Variants in DOCK1 observed in about 807,000 individuals in gnomAD.
The protein encoded by DOCK1 is dedicator of cytokinesis 1.
Under a neutral mutation model 262.7 loss-of-function variants are expected in DOCK1, and 138 were observed. That is an observed-to-expected ratio of 0.53 (90% CI 0.46 to 0.61). The LOEUF (loss-of-function observed/expected upper bound fraction) is 0.61, where lower values mean the gene tolerates loss of function less well. DOCK1 is among the 20% of genes least tolerant of loss of function. DOCK1 has a pLI of 0.00. For synonymous variants in DOCK1, 866 were observed against 867.4 expected, an observed-to-expected ratio of 1.00 and a Z score of 0.03; for missense variants, 1,908 against 2,370.7, an observed-to-expected ratio of 0.80 and a Z score of 4.05.
chr10:127,405,852 G>A (rs972028365), intron 40 of DOCK1, among the ~76,000 whole-genome samples: 1 of 152,178 alleles, frequency 6.6e-6, no homozygotes, highest in African/African-American at 2.4e-5. Flanking sequence ...CCTTCATCGT[G>A]CAGCAAAGAC....
chr10:127,237,828 A>G (rs1048962381), intron 27 of DOCK1, among the ~76,000 whole-genome samples: 9 of 152,174 alleles, frequency 5.9e-5, no homozygotes, highest in African/African-American at 2.2e-4. Context: ...GTCTTAATTA[A>G]TTGTTGTCAT....
chr10:127,279,841 A>G (rs566979390), intron 29 of DOCK1, among the ~76,000 whole-genome samples: 15 of 150,410 alleles, frequency 1.0e-4, no homozygotes, highest in South Asian at 2.1e-4. Context: ...TGCAAAGGCA[A>G]TGTTTGTTTT....
rs529553706 is a variant in DOCK1 at position 127,026,443 on chromosome 10, T to C, written c.1624+19T>C. 6.4e-7 allele frequency: 1 copy of C among 1,566,098 alleles called. No homozygotes were observed. The highest frequency in any genetic ancestry group is 1.4e-5 in the African/African-American group (1 of 73,958). ...CAGGACTGTGAGTAGTCAAGCACTT[T>C]CTTCCCCCAAGTATTTTTAAGGGAG... is the stretch of plus-strand genomic sequence containing the variant. On this transcript the variant is annotated intron_variant, in intron 16 of 51. Coordinates refer to ENST00000623213, the MANE Select transcript of DOCK1 (RefSeq NM_001290223.2).
chr10:127,023,005 C>T (rs2042553897), intron 13 of DOCK1, among the ~76,000 whole-genome samples, 195 bp from the exon 14 acceptor site: 1 of 152,124 alleles, frequency 6.6e-6, no homozygotes, highest in Non-Finnish European at 1.5e-5. Context: ...TTTCCTCTTT[C>T]TAGAAAACTT....
chr10:127,248,045 A>T lies in DOCK1; in HGVS notation c.2885A>T (p.Gln962Leu). Residue 962 changes from glutamine (Q) to leucine (L), a missense_variant, in exon 28 of 52, where the codon CAA (glutamine) becomes CTA (leucine). Around this residue, in one of 9 missense-constraint regions of DOCK1, gnomAD observed 518 missense variants for 575.1 expected, o/e 0.90. Coordinates refer to ENST00000623213, the MANE Select transcript of DOCK1 (RefSeq NM_001290223.2). ...GCTTGCATGACAGCTATTTTACGAC[A>T]AATGGAAGATTACCATTATGCCCAC... ...FVACMTAILR[Q>L]MEDYHYAHLI... is the part of the protein sequence containing the mutation. 6.2e-7 allele frequency: 1 copy of T among 1,614,012 alleles called. No individual in the cohort carries two copies. Among genetic ancestry groups the T allele is most frequent in the Non-Finnish European group, 8.5e-7 (1 of 1,179,900 alleles).
intron 29 of DOCK1, among the ~76,000 whole-genome samples, chr10:127,280,009 CATATATAT>C (rs10525314): frequency 7.0e-5 from 8 of 114,328 alleles, no homozygotes; most frequent in South Asian, 5.4e-4. Context: ...AATTTTATTT[CATATATAT>C]ATATATATAT....
chr10:127,425,235 AC>A (rs2068743861), intron 46 of DOCK1, among the ~76,000 whole-genome samples: 2 of 152,122 alleles, frequency 1.3e-5, no homozygotes, highest in African/African-American at 4.8e-5. Flanking sequence ...TCCTTCTCCC[AC>A]CCCACAACAG....
At chr10:127,152,474 T>C (rs936185913) in intron 27 of DOCK1, among the ~76,000 whole-genome samples, 6 of 152,048 alleles carry the variant, frequency 3.9e-5, no homozygotes, top group Admixed American at 3.3e-4. Context: ...CAGGGGCCCC[T>C]CCTCCCTTCC....
chr10:127,415,143 C>G lies in DOCK1; in HGVS notation c.4429-9C>G. The G allele has an allele frequency of 1.9e-6, 3 of 1,612,508 alleles. No homozygotes were observed. Among genetic ancestry groups the G allele is most frequent in the Non-Finnish European group, 2.5e-6 (3 of 1,179,280 alleles). ...TAACCCGTGTTGTGTGTGTGTGTTT[C>G]CTTTGCAGAATATGTGGATCGAGAG... On this transcript the variant is annotated splice_polypyrimidine_tract_variant and intron_variant, in intron 43 of 51. Transcript: ENST00000623213.
chr10:127,011,131 T>C lies in DOCK1; in HGVS notation c.1059-1101T>C, dbSNP rs991221531. 1.4e-4 allele frequency among the ~76,000 whole-genome samples: 22 copies of C among 152,200 alleles called. No homozygotes were observed. In the South Asian group the frequency reaches 2.1e-3, roughly 14 times the overall value. ...TATGTTATTCCATGTGTAACTCTTATGTAATTTGTGACTCCATGCTCCATT... is the reference window on the plus strand; with the variant it reads ...TATGTTATTCCATGTGTAACTCTTACGTAATTTGTGACTCCATGCTCCATT... On this transcript the variant is annotated intron_variant, in intron 11 of 51. Coordinates refer to ENST00000623213, the MANE Select transcript of DOCK1 (RefSeq NM_001290223.2).
In DOCK1 at chr10:127,362,863, C is replaced by CCA. The variant is rs1188482858; in HGVS notation, c.3432+662_3432+663dup. On this transcript the variant is annotated intron_variant, in intron 33 of 51. Coordinates refer to ENST00000623213, the MANE Select transcript of DOCK1 (RefSeq NM_001290223.2). Reference sequence around the variant, plus strand: ...CACACACACACACACATGTACATCCCCACACACACACATACACATCCCCAC... The same window carrying CCA: ...CACACACACACACACATGTACATCCCCACACACACACACATACACATCCCCAC... Among the ~76,000 whole-genome samples, 7 of 65,020 alleles carry CCA rather than the reference C, an allele frequency of 1.1e-4. No homozygotes were observed. In the East Asian group the frequency reaches 3.2e-3, roughly 30 times the overall value. 42.7% of individuals were successfully genotyped at this position (65,020 alleles called of 152,430 possible).
intron 23 of DOCK1, among the ~76,000 whole-genome samples, chr10:127,101,135 G>A (rs2048218993): frequency 6.6e-6 from 1 of 152,108 alleles, no homozygotes; most frequent in Non-Finnish European, 1.5e-5. Flanking sequence ...GTTGGGAGCT[G>A]GAGTCTTGTG....
intron 33 of DOCK1, among the ~76,000 whole-genome samples, chr10:127,362,860 T>C (rs2133940458): frequency 2.7e-4 from 10 of 36,450 alleles, no homozygotes; most frequent in Non-Finnish European, 3.4e-4. Context: ...CACATGTACA[T>C]CCCCACACAC....
chr10:127,070,703 C>T (rs1289504506), intron 23 of DOCK1, among the ~76,000 whole-genome samples: 2 of 150,232 alleles, frequency 1.3e-5, no homozygotes, highest in Non-Finnish European at 3.0e-5. Context: ...GACATGGGAG[C>T]TGCAGGACTG....
intron 23 of DOCK1, among the ~76,000 whole-genome samples, chr10:127,095,593 T>A (rs1007642737): frequency 6.6e-6 from 1 of 152,110 alleles, no homozygotes; most frequent in Non-Finnish European, 1.5e-5. Context: ...CTTGCTGGGC[T>A]GACCCAAAGG....
chr10:126,956,640 G>A (rs2036764999), intron 1 of DOCK1, among the ~76,000 whole-genome samples: 1 of 152,224 alleles, frequency 6.6e-6, no homozygotes, highest in Non-Finnish European at 1.5e-5. Context: ...CATGTAGGGT[G>A]GCCCCGGCTG....
At chr10:126,905,991 C>A (rs1319910145) in intron 1 of DOCK1, among the ~76,000 whole-genome samples, 4 of 152,106 alleles carry the variant, frequency 2.6e-5, no homozygotes, top group East Asian at 3.9e-4. Context: ...GATGAACTTG[C>A]GTCCCGCGTC....
chr10:127,302,662 G>C (rs1460627496), intron 29 of DOCK1, among the ~76,000 whole-genome samples: 1 of 151,918 alleles, frequency 6.6e-6, no homozygotes, highest in Non-Finnish European at 1.5e-5. Flanking sequence ...TGAAGTCTTT[G>C]TGGTTAATGT....
At chr10:127,113,055 C>A (rs942516926) in intron 25 of DOCK1, among the ~76,000 whole-genome samples, 1 of 152,210 alleles carries the variant, frequency 6.6e-6, no homozygotes, top group Non-Finnish European at 1.5e-5. Flanking sequence ...GCAAAATATT[C>A]TGTGCCACCT....
Sources: gnomAD v4.1 joint callset for allele counts (sites outside exome capture counted in the v4.1 genomes callset) on GRCh38, gnomAD v4.1.1 for gene constraint, gnomAD v4.1.1 regional missense constraint, MANE v1.5 for transcripts, NCBI Gene and HGNC (gene_info 2026-07-23, HGNC 2026-07-21) for gene names.